Variants in TRIM72 observed in about 807,000 individuals in gnomAD.
TRIM72 encodes tripartite motif-containing protein 72.
A neutral mutation model predicts 31.6 loss-of-function variants in TRIM72; 33 were observed. That is an observed-to-expected ratio of 1.04 (90% confidence interval 0.79 to 1.40). TRIM72 has a LOEUF of 1.40. Ranked by LOEUF, TRIM72 falls within the 40% of genes most tolerant of loss-of-function variation. The pLI is 0.00. For synonymous variants in TRIM72, 301 were observed against 314.4 expected (o/e 0.96, Z 0.45); for missense variants, 666 against 682.7 (o/e 0.98, Z 0.27).
Position 31,224,547 on chromosome 16 carries a change from G to C in TRIM72, c.1226G>C (p.Arg409Pro). 1 of 1,530,808 alleles carries C rather than the reference G, an allele frequency of 6.5e-7. No homozygotes were observed. The highest frequency in any genetic ancestry group is 8.7e-7 in the Non-Finnish European group (1 of 1,143,058). 94.8% of individuals were successfully genotyped at this position (1,530,808 alleles called of 1,614,324 possible). A position where few individuals can be genotyped will look rare whatever the true frequency, so the allele number is the denominator to read the frequency against. ...EPRALRSPERRPTRIGLYLSF... is the reference protein window; with the variant it reads ...EPRALRSPERPPTRIGLYLSF... ...CGCGCTCTGCGCAGCCCCGAGAGGC[G>C]GCCCACGCGCATTGGCCTTTACCTG... The change falls in exon 7 of 7, where the codon CGG becomes CCG. Residue 409 changes from arginine (R) to proline (P), a missense_variant. Arg to Pro is a moderately radical substitution (Grantham distance 103, BLOSUM62 -2). Coordinates refer to ENST00000322122, the MANE Select transcript of TRIM72 (RefSeq NM_001008274.4).
rs558117407 is a variant in TRIM72, at chr16:31,220,092, C to T, written c.717+573C>T. On this transcript the variant is annotated intron_variant, in intron 4 of 6. Coordinates refer to ENST00000322122, the MANE Select transcript of TRIM72 (RefSeq NM_001008274.4). The stretch of plus-strand genomic sequence containing the variant: ...TTTTAAAGGCAGGGTCTCACTCTGT[C>T]ACCCAGGCTGGAGTGCAGTGGCATG... Among the ~76,000 whole-genome samples, 5 of 151,876 alleles carry T rather than the reference C, an allele frequency of 3.3e-5. No homozygotes were observed. In the South Asian group the frequency reaches 1.0e-3, roughly 32 times the overall value.
intron 5 of TRIM72, among the ~76,000 whole-genome samples, chr16:31,221,149 CTG>C (rs2079531605): frequency 6.6e-6 from 1 of 152,210 alleles, no homozygotes; most frequent in Non-Finnish European, 1.5e-5. Context: ...ACAGGCGTCA[CTG>C]TGTGCTCAGT....
rs961293200 is a variant in TRIM72 at position 31,216,623 on chromosome 16, C to G, written c.390+1495C>G. 1.0e-5 allele frequency: 11 copies of G among 1,076,056 alleles called. No individual in the cohort carries two copies. The highest frequency in any genetic ancestry group is 1.6e-5 in the African/African-American group (1 of 63,436). 66.7% of individuals were successfully genotyped at this position (1,076,056 alleles called of 1,614,324 possible). A position where few individuals can be genotyped will look rare whatever the true frequency, so the allele number is the denominator to read the frequency against. The stretch of plus-strand genomic sequence containing the variant: ...CCCTTCGCCCCCGGGAGGGGCTGGC[C>G]GGAGGTCTGAGGGAGGACCCCAGGA... On this transcript the variant is annotated intron_variant, in intron 2 of 6. Coordinates refer to ENST00000322122, the MANE Select transcript of TRIM72 (RefSeq NM_001008274.4). The surrounding 1 kb of genome is among the most constrained non-coding windows in gnomAD (Gnocchi z 6.7).
At position 31,216,923 on chromosome 16, in the gene TRIM72, A is replaced by C; in HGVS notation, c.390+1795A>C. On this transcript the variant is annotated intron_variant, in intron 2 of 6. Transcript: ENST00000322122. This position sits in a 1 kb window ranked among gnomAD's most constrained non-coding sequence, Gnocchi z 6.7. ...AGCGCGCCCCGCGGGATGCGCTCAAAGCCCTCGCGCAGCGGCACCGTCCCC... is the reference window on the plus strand; with the variant it reads ...AGCGCGCCCCGCGGGATGCGCTCAACGCCCTCGCGCAGCGGCACCGTCCCC... 6.2e-7 allele frequency: 1 copy of C among 1,614,134 alleles called. No homozygotes were observed. The highest frequency in any genetic ancestry group is 8.5e-7 in the Non-Finnish European group (1 of 1,180,042).
rs2144206223 is a variant in TRIM72 at position 31,230,828 on chromosome 16, T to A, written c.*6073T>A. The A allele has an allele frequency of 6.6e-6, 1 of 151,514 alleles. No homozygotes were observed. The highest frequency in any genetic ancestry group is 2.1e-4 in the South Asian group (1 of 4,802). 9.4% of individuals were successfully genotyped at this position (151,514 alleles called of 1,614,324 possible). A position where few individuals can be genotyped will look rare whatever the true frequency, so the allele number is the denominator to read the frequency against. ...GTGCACCTAACTAAATAATAAATAA[T>A]AAGTATCCTCCTCAACCTCTTGGTC... is the stretch of plus-strand genomic sequence containing the variant. On this transcript the variant is annotated 3_prime_UTR_variant, in exon 7 of 7. Transcript: ENST00000322122.
chr16:31,224,281 G>C lies in TRIM72; in HGVS notation c.960G>C (p.Pro320=). 6.2e-7 allele frequency: 1 copy of C among 1,603,744 alleles called. No homozygotes were observed. Among genetic ancestry groups the C allele is most frequent in the Non-Finnish European group, 8.5e-7 (1 of 1,178,934 alleles). ...AGTGCTCGGAGCAGAAGGCGCCGCC[G>C]GCCGGGGAGGACCCGCGCCAGTTCG... The part of the protein sequence containing the change: ...RVECSEQKAP[P]AGEDPRQFDK... The change falls in exon 7 of 7, where the codon CCG becomes CCC. Residue 320 remains proline, a synonymous_variant. Coordinates refer to ENST00000322122, the MANE Select transcript of TRIM72 (RefSeq NM_001008274.4).
rs2079558258 is a variant in TRIM72 at position 31,227,464 on chromosome 16, C to T, written c.*2709C>T. ...GTGGTGTGATCACCGTAACCTCCGCCTCCTAGGTTCAAGGGATTCTCCTGC... is the reference window on the plus strand; with the variant it reads ...GTGGTGTGATCACCGTAACCTCCGCTTCCTAGGTTCAAGGGATTCTCCTGC... On this transcript the variant is annotated 3_prime_UTR_variant, in exon 7 of 7. Coordinates refer to ENST00000322122, the MANE Select transcript of TRIM72 (RefSeq NM_001008274.4). 6.6e-6 allele frequency: 1 copy of T among 152,196 alleles called. No individual in the cohort carries two copies. The highest frequency in any genetic ancestry group is 6.6e-5 in the Admixed American group (1 of 15,252). The allele number at this position is 152,196 out of a possible 1,614,324, so 9.4% of individuals were successfully genotyped here. A position where few individuals can be genotyped will look rare whatever the true frequency, so the allele number is the denominator to read the frequency against.
In TRIM72 at chr16:31,228,267, A is replaced by G. The variant is rs2079560296; in HGVS notation, c.*3512A>G. ...GCCCAGCCCCAGCTTCATCTTAAAA[A>G]GAAAAGTTCTCTGTTTTAATATCTA... On this transcript the variant is annotated 3_prime_UTR_variant, in exon 7 of 7. Transcript: ENST00000322122. 6.6e-6 allele frequency: 1 copy of G among 152,216 alleles called. No individual in the cohort carries two copies. The highest frequency in any genetic ancestry group is 1.5e-5 in the Non-Finnish European group (1 of 68,054). The allele number at this position is 152,216 out of a possible 1,614,324, so 9.4% of individuals were successfully genotyped here.
intron 6 of TRIM72, among the ~76,000 whole-genome samples, chr16:31,223,906 A>T (rs182576981): frequency 1.3e-3 from 192 of 152,212 alleles, no homozygotes; most frequent in Admixed American, 2.2e-3. Context: ...ACCCCGCCTC[A>T]AAAAAACAAA....
At position 31,216,641 on chromosome 16, in the gene TRIM72, C is replaced by G. The variant is rs777395817; in HGVS notation, c.390+1513C>G. 12 of 1,287,396 alleles carry G rather than the reference C, an allele frequency of 9.3e-6. No homozygotes were observed. The highest frequency in any genetic ancestry group is 1.3e-5 in the Non-Finnish European group (12 of 933,410). 79.7% of individuals were successfully genotyped at this position (1,287,396 alleles called of 1,614,324 possible). The stretch of plus-strand genomic sequence containing the variant: ...GGCTGGCCGGAGGTCTGAGGGAGGA[C>G]CCCAGGAGGGACCCTGAAGGAGGGG... On this transcript the variant is annotated intron_variant, in intron 2 of 6. Coordinates refer to ENST00000322122, the MANE Select transcript of TRIM72 (RefSeq NM_001008274.4). This position sits in a 1 kb window ranked among gnomAD's most constrained non-coding sequence, Gnocchi z 6.7.
intron 6 of TRIM72, among the ~76,000 whole-genome samples, chr16:31,223,948 C>G (rs1163281046): frequency 1.3e-5 from 2 of 152,072 alleles, no homozygotes. Context: ...ACAATAACAA[C>G]AACAAAAACA....
At chr16:31,217,904 C>T (rs552286882) in intron 2 of TRIM72, among the ~76,000 whole-genome samples, 48 of 152,200 alleles carry the variant, frequency 3.2e-4, no homozygotes, top group African/African-American at 6.3e-4. Flanking sequence ...TGAGCCACCA[C>T]GCCCGGCCAG....
At chr16:31,221,138 C>T (rs144269993) in intron 5 of TRIM72, among the ~76,000 whole-genome samples, 15 of 152,264 alleles carry the variant, frequency 9.9e-5, no homozygotes, top group Non-Finnish European at 1.5e-4. Flanking sequence ...TGGGTGGGGA[C>T]ACAGGCGTCA....
Position 31,226,192 on chromosome 16 carries a change from T to A in TRIM72, c.*1437T>A, listed in dbSNP as rs141722798. 6.6e-6 allele frequency: 1 copy of A among 152,102 alleles called. No homozygotes were observed. The highest frequency in any genetic ancestry group is 1.5e-5 in the Non-Finnish European group (1 of 68,032). The allele number at this position is 152,102 out of a possible 1,614,324, so 9.4% of individuals were successfully genotyped here. On this transcript the variant is annotated 3_prime_UTR_variant, in exon 7 of 7. Coordinates refer to ENST00000322122, the MANE Select transcript of TRIM72 (RefSeq NM_001008274.4). ...AAGCCCTGACCTAGTGCACAACCCATTGGGCTCTTCACTGTCAGTGTAGAG... is the reference window on the plus strand; with the variant it reads ...AAGCCCTGACCTAGTGCACAACCCAATGGGCTCTTCACTGTCAGTGTAGAG...
chr16:31,216,859 A>C lies in TRIM72; in HGVS notation c.390+1731A>C. ...TGCGTAGTCCTCGTAGTAGGAGGCGACCAGCTTGTCGGTGAGGTCCACGAT... is the reference window on the plus strand; with the variant it reads ...TGCGTAGTCCTCGTAGTAGGAGGCGCCCAGCTTGTCGGTGAGGTCCACGAT... On this transcript the variant is annotated intron_variant, in intron 2 of 6. Coordinates refer to ENST00000322122, the MANE Select transcript of TRIM72 (RefSeq NM_001008274.4). The surrounding 1 kb of genome is among the most constrained non-coding windows in gnomAD (Gnocchi z 6.7). The C allele has an allele frequency of 6.2e-7, 1 of 1,613,808 alleles. No individual in the cohort carries two copies. The highest frequency in any genetic ancestry group is 8.5e-7 in the Non-Finnish European group (1 of 1,179,950).
At position 31,219,426 on chromosome 16, in the gene TRIM72, G is replaced by T; in HGVS notation, c.624G>T (p.Glu208Asp). The T allele has an allele frequency of 6.2e-7, 1 of 1,613,406 alleles. No homozygotes were observed. Among genetic ancestry groups the T allele is most frequent in the Non-Finnish European group, 8.5e-7 (1 of 1,179,702 alleles). Reference protein sequence around the residue: ...RGEAGVALRRELGSLNSYLEQ... With the variant: ...RGEAGVALRRDLGSLNSYLEQ... ...AGGCAGGGGTCGCCTTGCGCCGGGAGCTGGGGAGCCTGAACTCTTACCTGG... is the reference window on the plus strand; with the variant it reads ...AGGCAGGGGTCGCCTTGCGCCGGGATCTGGGGAGCCTGAACTCTTACCTGG... Residue 208 changes from glutamate (E) to aspartate (D), a missense_variant, in exon 4 of 7, where the codon GAG (glutamate) becomes GAT (aspartate). Glu to Asp is a conservative substitution (Grantham distance 45). Transcript: ENST00000322122. The surrounding 1 kb of genome is among the most constrained non-coding windows in gnomAD (Gnocchi z 4.2).
chr16:31,223,890 A>T (rs1488194556), intron 6 of TRIM72, among the ~76,000 whole-genome samples: 3 of 152,118 alleles, frequency 2.0e-5, no homozygotes, highest in Non-Finnish European at 2.9e-5. Flanking sequence ...TGGGCGACAG[A>T]GTGAGACCCC....
At chr16:31,223,631 C>T (rs944121875) in intron 6 of TRIM72, among the ~76,000 whole-genome samples, 7 of 152,080 alleles carry the variant, frequency 4.6e-5, no homozygotes, top group Non-Finnish European at 7.4e-5. Context: ...TGGCCAGGCT[C>T]GGTGGCTCAC....
rs900140660 is a variant in TRIM72 at position 31,220,917 on chromosome 16, A to T, written c.739A>T (p.Arg247Trp). The T allele has an allele frequency of 8.7e-6, 14 of 1,614,038 alleles. No homozygotes were observed. Among genetic ancestry groups the T allele is most frequent in the Middle Eastern group, 1.6e-4 (1 of 6,084 alleles). The change falls in exon 5 of 7, where the codon AGG (arginine) becomes TGG (tryptophan). Residue 247 changes from arginine to tryptophan, a missense_variant and splice_region_variant. Arg to Trp is a moderately radical substitution (Grantham distance 101). Coordinates refer to ENST00000322122, the MANE Select transcript of TRIM72 (RefSeq NM_001008274.4). ...FLMKYCLVTS[R>W]LQKILAESPP... ...CCAGAAATACTGCCTGGTGACCAGC[A>T]GGTGAGAGCAACCTGGCCCTGTCCC...
Sources: gnomAD v4.1 joint callset for allele counts (sites outside exome capture counted in the v4.1 genomes callset) on GRCh38, gnomAD v4.1.1 for gene constraint, Gnocchi (gnomAD v3.1) non-coding constraint, MANE v1.5 for transcripts, NCBI Gene and HGNC (gene_info 2026-07-23, HGNC 2026-07-21) for gene names.